Variants in DZIP1 observed in about 807,000 individuals in gnomAD.
The protein encoded by DZIP1 is cilium assembly protein DZIP1.
DZIP1 carries 97 observed loss-of-function variants against 107.6 expected under a neutral mutation model. That is an observed-to-expected ratio of 0.90 (90% CI 0.77 to 1.07). The LOEUF is 1.07. Among genes scored for constraint, DZIP1 ranks in the 50% least tolerant of loss-of-function variants. DZIP1 has a pLI of 0.00. For synonymous variants in DZIP1, 390 were observed against 386.4 expected, an observed-to-expected ratio of 1.01 and a Z score of -0.11; for missense variants, 1,035 against 1,063.6, an observed-to-expected ratio of 0.97 and a Z score of 0.37.
At chr13:95,589,080 G>C (rs751751848) in intron 19 of DZIP1, 74 bp downstream of exon 19, 13 of 1,210,808 alleles carry the variant, frequency 1.1e-5, no homozygotes, top group Non-Finnish European at 1.6e-5. Context: ...TAATGAGCAC[G>C]CTACTTTAAA....
intron 15 of DZIP1, among the ~76,000 whole-genome samples, chr13:95,595,365 C>G (rs995423156): frequency 9.9e-6 from 1 of 100,590 alleles, no homozygotes; most frequent in Non-Finnish European, 2.1e-5. Flanking sequence ...CTTTTGTGTA[C>G]ATTAAATAGA....
intron 14 of DZIP1, among the ~76,000 whole-genome samples, chr13:95,604,290 G>A (rs541601568): frequency 3.9e-5 from 6 of 152,240 alleles, no homozygotes; most frequent in Non-Finnish European, 8.8e-5. Flanking sequence ...GACAGAGAGT[G>A]AACAGGCGAA....
chr13:95,623,637 A>G (rs533261140), intron 8 of DZIP1, among the ~76,000 whole-genome samples: 28 of 152,280 alleles, frequency 1.8e-4, no homozygotes, highest in African/African-American at 6.5e-4. Context: ...TTTTTTTCCA[A>G]TGTTTTAAAA....
chr13:95,613,179 G>C (rs2045067687), intron 10 of DZIP1, among the ~76,000 whole-genome samples: 1 of 152,234 alleles, frequency 6.6e-6, no homozygotes, highest in African/African-American at 2.4e-5. Flanking sequence ...AGCAATTTCA[G>C]TAGTTGTTTA....
intron 15 of DZIP1, among the ~76,000 whole-genome samples, chr13:95,595,289 C>T (rs773713370): frequency 2.0e-5 from 3 of 152,076 alleles, no homozygotes; most frequent in Non-Finnish European, 4.4e-5. Context: ...AGTTCAATTC[C>T]CACATTAAAA....
At chr13:95,630,699 T>C in intron 6 of DZIP1, 5 of 1,237,794 alleles carry the variant, frequency 4.0e-6, no homozygotes, top group South Asian at 1.4e-5. Context: ...AGAATACTTA[T>C]GTACATGTAC....
chr13:95,635,092 G>A (rs1389863182), intron 5 of DZIP1, among the ~76,000 whole-genome samples: 5 of 151,614 alleles, frequency 3.3e-5, no homozygotes, highest in Non-Finnish European at 5.9e-5. Context: ...TGCCCATTGT[G>A]TCACTGAACA....
At chr13:95,626,609 C>A (rs944835939) in intron 7 of DZIP1, among the ~76,000 whole-genome samples, 2 of 152,080 alleles carry the variant, frequency 1.3e-5, no homozygotes, top group African/African-American at 2.4e-5. Flanking sequence ...ATTCTACCAA[C>A]TATTTTAAAA....
Position 95,618,378 on chromosome 13 carries a change from T to C in DZIP1, c.1173+1507A>G, listed in dbSNP as rs182428204. Among the ~76,000 whole-genome samples, 18 of 152,362 alleles carry C rather than the reference T, an allele frequency of 1.2e-4. 1 individual carries two copies. Among genetic ancestry groups the C allele is most frequent in the Non-Finnish European group, 2.5e-4 (17 of 68,040 alleles). On this transcript the variant is annotated intron_variant, in intron 10 of 22. Transcript: ENST00000376829. The stretch of plus-strand genomic sequence containing the variant: ...ATAAACTACTGTATATGTGTATATC[T>C]ATAGATATGTGTATTGGGTGTATGT...
In DZIP1 at chr13:95,611,458, G is replaced by C. The variant is rs751029412; in HGVS notation, c.1350C>G (p.Ile450Met). 48 of 1,613,544 alleles carry C rather than the reference G, an allele frequency of 3.0e-5. No individual in the cohort carries two copies. Among genetic ancestry groups the C allele is most frequent in the Non-Finnish European group, 4.0e-5 (47 of 1,179,616 alleles). Reference sequence around the variant, plus strand: ...CCATCCACTTACCTTTGGGTTCACTGATACTGTTTAATGGATTACAGGTAA... The same window carrying C: ...CCATCCACTTACCTTTGGGTTCACTCATACTGTTTAATGGATTACAGGTAA... ...KDFTCNPLNS[I>M]SEPKGNPLAW... is the part of the protein sequence containing the mutation. Residue 450 changes from isoleucine to methionine, a missense_variant, in exon 12 of 23, where the codon ATC (isoleucine) becomes ATG (methionine). Ile to Met is a conservative substitution (Grantham distance 10). Transcript: ENST00000376829.
chr13:95,586,274 G>T, intron 20 of DZIP1, 138 bp from the exon 21 acceptor site: 1 of 683,296 alleles, frequency 1.5e-6, no homozygotes, highest in Non-Finnish European at 2.2e-6. Context: ...AAAATCAGTT[G>T]ATGTACTTTG....
chr13:95,638,701 CGT>C (rs1289968770), intron 5 of DZIP1, among the ~76,000 whole-genome samples: 2 of 151,936 alleles, frequency 1.3e-5, no homozygotes, highest in Non-Finnish European at 2.9e-5. Flanking sequence ...AGGATGCGTG[CGT>C]GTGTGTGTCT....
intron 18 of DZIP1, 128 bp downstream of exon 18, chr13:95,589,675 G>T (rs2044259110): frequency 7.9e-7 from 1 of 1,260,666 alleles, no homozygotes; most frequent in Non-Finnish European, 1.1e-6. Context: ...TCCTGATCTT[G>T]GACTTTCAGC....
intron 14 of DZIP1, 59 bp downstream of exon 14, chr13:95,605,944 G>C (rs1259916506): frequency 2.0e-6 from 3 of 1,532,046 alleles, no homozygotes; most frequent in African/African-American, 2.8e-5. Flanking sequence ...TGGTTAATAA[G>C]TTATCCAACT....
chr13:95,602,602 T>A (rs1246733034), intron 14 of DZIP1, among the ~76,000 whole-genome samples: 1 of 152,222 alleles, frequency 6.6e-6, no homozygotes, highest in Non-Finnish European at 1.5e-5. Context: ...GAGAAACAGA[T>A]AACTACATGT....
At chr13:95,594,230 C>T in intron 15 of DZIP1, 144 bp from the exon 16 acceptor site, 2 of 648,658 alleles carry the variant, frequency 3.1e-6, no homozygotes, top group Non-Finnish European at 5.2e-6. Flanking sequence ...TTTAGTCACT[C>T]AGCACAATAC....
intron 20 of DZIP1, among the ~76,000 whole-genome samples, chr13:95,586,482 G>A (rs1369133677): frequency 6.6e-6 from 1 of 152,124 alleles, no homozygotes; most frequent in East Asian, 1.9e-4. Context: ...TTACAGGTGA[G>A]AGCGACTGTG....
chr13:95,613,951 C>A (rs1183836535), intron 10 of DZIP1, among the ~76,000 whole-genome samples: 1 of 151,922 alleles, frequency 6.6e-6, no homozygotes, highest in Non-Finnish European at 1.5e-5. Flanking sequence ...CAGTAAGACC[C>A]TGTCTCTACA....
chr13:95,615,170 C>T (rs1874897546), intron 10 of DZIP1, among the ~76,000 whole-genome samples: 1 of 152,178 alleles, frequency 6.6e-6, no homozygotes, highest in African/African-American at 2.4e-5. Flanking sequence ...AAGGCCTCAC[C>T]TTCTTCCTCC....
Sources: allele counts gnomAD v4.1 joint callset (sites outside exome capture counted in the v4.1 genomes callset), GRCh38; gene constraint gnomAD v4.1.1; transcripts MANE v1.5; gene names NCBI Gene and HGNC (gene_info 2026-07-23, HGNC 2026-07-21).